The following CEP89 variants were observed in gnomAD, a reference collection of about 807,000 sequenced individuals.
CEP89 encodes the protein centrosomal protein 89, also known as centrosomal protein of 89 kDa.
A neutral mutation model predicts 97.6 loss-of-function variants in CEP89; 95 were observed. The ratio of observed to expected loss-of-function variants is 0.97; its 90% CI spans 0.82 to 1.15. CEP89 has a LOEUF of 1.15. CEP89 is among the 50% of genes most tolerant of loss of function. The pLI is 0.00. For synonymous variants in CEP89, 354 were observed against 349.1 expected (o/e 1.01, Z -0.16); for missense variants, 869 against 947.7 (o/e 0.92, Z 1.09).
At chr19:32,922,254 C>G (rs1970264716) in intron 12 of CEP89, among the ~76,000 whole-genome samples, 1 of 152,104 alleles carries the variant, frequency 6.6e-6, no homozygotes, top group South Asian at 2.1e-4. Flanking sequence ...GAACCGGAGA[C>G]AAAGGGGCCG....
intron 3 of CEP89, among the ~76,000 whole-genome samples, chr19:32,957,644 T>C (rs1178417863): frequency 1.3e-5 from 2 of 152,024 alleles, no homozygotes; most frequent in Non-Finnish European, 2.9e-5. Flanking sequence ...ACCCTGTCTC[T>C]ACTAAAAATA....
At chr19:32,910,098 TA>T (rs1479404586) in intron 14 of CEP89, among the ~76,000 whole-genome samples, 1 of 152,102 alleles carries the variant, frequency 6.6e-6, no homozygotes, top group Non-Finnish European at 1.5e-5. Flanking sequence ...CCGTCTCTAC[TA>T]AAAATACAAA....
intron 7 of CEP89, among the ~76,000 whole-genome samples, chr19:32,934,644 A>G (rs914339349): frequency 1.3e-5 from 2 of 152,240 alleles, no homozygotes; most frequent in African/African-American, 4.8e-5. Context: ...GAAACTCCAC[A>G]GCTACATAGA....
intron 3 of CEP89, among the ~76,000 whole-genome samples, chr19:32,955,032 T>C (rs1428251806): frequency 6.6e-6 from 1 of 151,994 alleles, no homozygotes; most frequent in African/African-American, 2.4e-5. Context: ...CCACACAGGC[T>C]GGAATGCAGA....
At chr19:32,952,876 C>A (rs1475643690) in intron 4 of CEP89, among the ~76,000 whole-genome samples, 16 of 132,490 alleles carry the variant, frequency 1.2e-4, no homozygotes, top group African/African-American at 4.1e-4. Flanking sequence ...TGCACTCCAG[C>A]CTGGAGGACA....
chr19:32,883,654 G>A (rs8105585), intron 17 of CEP89, among the ~76,000 whole-genome samples: 11,915 of 152,142 alleles, frequency 0.078, 1,451 homozygotes, highest in African/African-American at 0.26. Context: ...CAACCTGGGC[G>A]ACAAAGTGAG....
In CEP89 at chr19:32,936,708, C is replaced by G. The variant is rs1568569613; in HGVS notation, c.667+923G>C. Among the ~76,000 whole-genome samples, 2 of 152,096 alleles carry G rather than the reference C, an allele frequency of 1.3e-5. No homozygotes were observed. The highest frequency in any genetic ancestry group is 1.5e-5 in the Non-Finnish European group (1 of 68,006). ...ATAGCTGGAGATGTCAGAGGACCAG[C>G]AGCAGAGAGGAGCAACCCACTCCAG... On this transcript the variant is annotated intron_variant, in intron 7 of 18. Transcript: ENST00000305768. This position sits in a 1 kb window ranked among gnomAD's most constrained non-coding sequence, Gnocchi z 4.5.
At chr19:32,964,854 T>C (rs1003962369) in intron 2 of CEP89, among the ~76,000 whole-genome samples, 2 of 152,130 alleles carry the variant, frequency 1.3e-5, no homozygotes, top group African/African-American at 2.4e-5. Context: ...ATTTATTATC[T>C]TTTTTTCTTT....
intron 14 of CEP89, 58 bp from the exon 15 acceptor site, chr19:32,901,470 G>C: frequency 6.5e-7 from 1 of 1,543,886 alleles, no homozygotes; most frequent in Non-Finnish European, 8.8e-7. Context: ...AAATGGGGCA[G>C]TCACATAACG....
At chr19:32,910,436 A>G (rs1292308982) in intron 14 of CEP89, among the ~76,000 whole-genome samples, 5 of 152,294 alleles carry the variant, frequency 3.3e-5, no homozygotes, top group African/African-American at 1.2e-4. Context: ...GTGAGGGCCT[A>G]GGACATTACT....
intron 5 of CEP89, among the ~76,000 whole-genome samples, chr19:32,942,596 C>A (rs1407096502): frequency 6.6e-6 from 1 of 152,188 alleles, no homozygotes; most frequent in Non-Finnish European, 1.5e-5. Flanking sequence ...ATTAAACTTA[C>A]AATTTACAGC....
Position 32,939,840 on chromosome 19 carries a change from A to T in CEP89, c.624+17T>A, listed in dbSNP as rs73051180. ...CTATTTATTGAGAAAATCAGTTTTT[A>T]AAAAAAATGATCTTACCTTTAAATT... is the stretch of plus-strand genomic sequence containing the variant. On this transcript the variant is annotated intron_variant, in intron 6 of 18. Transcript: ENST00000305768. 0.17 allele frequency: 190,964 copies of T among 1,109,576 alleles called. 16,599 individuals are homozygous for T. The highest frequency in any genetic ancestry group is 0.2 in the Non-Finnish European group (149,695 of 755,464). The allele number at this position is 1,109,576 out of a possible 1,614,324, so 68.7% of individuals were successfully genotyped here.
At chr19:32,970,597 A>C (rs942071611) in intron 1 of CEP89, 1 of 152,196 alleles carries the variant, frequency 6.6e-6, no homozygotes, top group Non-Finnish European at 1.5e-5. Flanking sequence ...CTCGGGTTTA[A>C]GCGATTATCC....
intron 4 of CEP89, among the ~76,000 whole-genome samples, chr19:32,953,057 C>T (rs1970958556): frequency 1.3e-5 from 2 of 151,486 alleles, no homozygotes; most frequent in Admixed American, 6.6e-5. Flanking sequence ...AATCGGGATT[C>T]GCAGAGCAGC....
chr19:32,942,151 G>A (rs1970699762), intron 5 of CEP89, among the ~76,000 whole-genome samples: 1 of 152,210 alleles, frequency 6.6e-6, no homozygotes, highest in South Asian at 2.1e-4. Flanking sequence ...GGAGGCCGAG[G>A]CAGGTAGATC....
intron 3 of CEP89, among the ~76,000 whole-genome samples, chr19:32,958,013 T>TCCA (rs532272630): frequency 8.1e-6 from 1 of 123,540 alleles, no homozygotes; most frequent in African/African-American, 3.0e-5. Context: ...AACAAAAAAA[T>TCCA]CCCCCCCCCG....
At chr19:32,883,584 A>G (rs946389632) in intron 17 of CEP89, among the ~76,000 whole-genome samples, 1 of 152,134 alleles carries the variant, frequency 6.6e-6, no homozygotes, top group Non-Finnish European at 1.5e-5. Context: ...CTGAGGCAGG[A>G]GAATTGCTTG....
Position 32,956,620 on chromosome 19 carries a change from G to A in CEP89, c.306-2819C>T, listed in dbSNP as rs544539903. ...GATCTCAAGCAGTCCTCCCACCTCAGCCTCTCAAAGTGCTGGGATTACAGG... is the reference window on the plus strand; with the variant it reads ...GATCTCAAGCAGTCCTCCCACCTCAACCTCTCAAAGTGCTGGGATTACAGG... On this transcript the variant is annotated intron_variant, in intron 3 of 18. Coordinates refer to ENST00000305768, the MANE Select transcript of CEP89 (RefSeq NM_032816.5). Among the ~76,000 whole-genome samples the A allele has an allele frequency of 2.6e-5, 4 of 152,108 alleles. No homozygotes were observed. The South Asian group carries it at 8.3e-4, about 32-fold the overall frequency.
chr19:32,918,299 T>C lies in CEP89; in HGVS notation c.1309A>G (p.Asn437Asp). The change falls in exon 13 of 19, where the codon AAC becomes GAC. Residue 437 changes from asparagine to aspartate, a missense_variant. Physicochemically the swap from Asn to Asp is conservative, Grantham distance 23. Coordinates refer to ENST00000305768, the MANE Select transcript of CEP89 (RefSeq NM_032816.5). ...QTQAKLVLEE[N>D]KLLLEQLEIQ... is the part of the protein sequence containing the mutation. ...TCCAACTGCTCCAGCAACAACTTGT[T>C]TTCCTCTAAAACCAGTTTTGCTTGA... The C allele has an allele frequency of 6.2e-7, 1 of 1,614,202 alleles. No individual in the cohort carries two copies. Among genetic ancestry groups the C allele is most frequent in the East Asian group, 2.2e-5 (1 of 44,888 alleles).
Sources: gnomAD v4.1 joint callset for allele counts (sites outside exome capture counted in the v4.1 genomes callset) on GRCh38, gnomAD v4.1.1 for gene constraint, Gnocchi (gnomAD v3.1) non-coding constraint, MANE v1.5 for transcripts, NCBI Gene and HGNC (gene_info 2026-07-23, HGNC 2026-07-21) for gene names.